The following DIABLO variants were observed in gnomAD, a reference collection of about 807,000 sequenced individuals.
The protein encoded by DIABLO is diablo homolog, mitochondrial.
In DIABLO, 32 loss-of-function variants were observed where a neutral mutation model predicts 31.7. The observed-to-expected ratio is 1.01, with a 90% CI of 0.76 to 1.35. DIABLO has a LOEUF of 1.35. DIABLO is among the 40% of genes most tolerant of loss of function. The pLI is 0.00. For synonymous variants in DIABLO, 132 were observed against 103.2 expected, an observed-to-expected ratio of 1.28 and a Z score of -1.69; for missense variants, 316 against 286.4, an observed-to-expected ratio of 1.10 and a Z score of -0.75.
chr12:122,217,709 A>G (rs1256063062), intron 3 of DIABLO: 3 of 156,604 alleles, frequency 1.9e-5, no homozygotes, highest in Admixed American at 6.2e-5. Flanking sequence ...TCTGCTAGAG[A>G]TGGGGCTTGC....
intron 2 of DIABLO, among the ~76,000 whole-genome samples, chr12:122,223,613 C>T (rs934256591): frequency 6.6e-6 from 1 of 152,122 alleles, no homozygotes; most frequent in Non-Finnish European, 1.5e-5. Context: ...TCAGACATAC[C>T]AGGCATACTT....
chr12:122,208,228 A>T lies in DIABLO; in HGVS notation c.*153T>A. 1 of 860,702 alleles carries T rather than the reference A, an allele frequency of 1.2e-6. No individual in the cohort carries two copies. Among genetic ancestry groups the T allele is most frequent in the Non-Finnish European group, 1.9e-6 (1 of 531,000 alleles). The allele number at this position is 860,702 out of a possible 1,614,324, so 53.3% of individuals were successfully genotyped here. A position where few individuals can be genotyped will look rare whatever the true frequency, so the allele number is the denominator to read the frequency against. ...GCGCAAGCCTGAGACCACAGGAGGC[A>T]CTCACAGCTCACAAAGGCGTCTCGC... is the stretch of plus-strand genomic sequence containing the variant. On this transcript the variant is annotated 3_prime_UTR_variant, in exon 6 of 6. Coordinates refer to ENST00000464942, the MANE Select transcript of DIABLO (RefSeq NM_001371333.1).
chr12:122,207,686 T>TC lies in DIABLO; in HGVS notation c.*694dup, dbSNP rs1053358023. 5 of 604,074 alleles carry TC rather than the reference T, an allele frequency of 8.3e-6. No homozygotes were observed. In the African/African-American group the frequency reaches 9.1e-5, roughly 11 times the overall value. 37.4% of individuals were successfully genotyped at this position (604,074 alleles called of 1,614,324 possible). ...ATAGGACCCCAGGAGAGACGCATTT[T>TC]CTCTTTCAGATGCAAACAAAATCTT... is the stretch of plus-strand genomic sequence containing the variant. On this transcript the variant is annotated 3_prime_UTR_variant, in exon 6 of 6. Transcript: ENST00000464942.
In DIABLO at chr12:122,208,286, C is replaced by G; in HGVS notation, c.*95G>C. 6.8e-7 allele frequency: 1 copy of G among 1,465,612 alleles called. No individual in the cohort carries two copies. Among genetic ancestry groups the G allele is most frequent in the Non-Finnish European group, 9.4e-7 (1 of 1,059,570 alleles). 90.8% of individuals were successfully genotyped at this position (1,465,612 alleles called of 1,614,324 possible). ...GCCAGGGCAGGATCTGCCGCCTCTTCTCGGTGCACAGACAGTCATGCCAAC... is the reference window on the plus strand; with the variant it reads ...GCCAGGGCAGGATCTGCCGCCTCTTGTCGGTGCACAGACAGTCATGCCAAC... On this transcript the variant is annotated 3_prime_UTR_variant, in exon 6 of 6. Coordinates refer to ENST00000464942, the MANE Select transcript of DIABLO (RefSeq NM_001371333.1).
At chr12:122,209,781 C>T (rs912205620) in intron 5 of DIABLO, 1 of 703,376 alleles carries the variant, frequency 1.4e-6, no homozygotes, top group African/African-American at 1.7e-5. Context: ...ACTGCATTAA[C>T]AAGAACCTTC....
At chr12:122,226,956 G>A (rs1566032147), upstream of DIABLO, among the ~76,000 whole-genome samples, 1 of 152,210 alleles carries the variant, frequency 6.6e-6, no homozygotes. Flanking sequence ...CCCCAGCTGC[G>A]GCCCTGGCTG....
chr12:122,224,994 C>G (rs1954421059), intron 1 of DIABLO: 1 of 453,788 alleles, frequency 2.2e-6, no homozygotes, highest in African/African-American at 2.1e-5. Flanking sequence ...GGGTGGATCA[C>G]TTGAGGTCAG....
intron 5 of DIABLO, among the ~76,000 whole-genome samples, chr12:122,212,037 T>C (rs1269245950): frequency 6.6e-6 from 1 of 151,534 alleles, no homozygotes; most frequent in African/African-American, 2.4e-5. Flanking sequence ...AGTTTTGCCA[T>C]GTTGGCCAGG....
At chr12:122,210,129 G>A (rs1401309547) in intron 5 of DIABLO, among the ~76,000 whole-genome samples, 5 of 152,028 alleles carry the variant, frequency 3.3e-5, no homozygotes, top group African/African-American at 7.2e-5. Context: ...TTGATTTACG[G>A]CTACATTTTG....
chr12:122,224,405 T>TG, intron 2 of DIABLO, 107 bp downstream of exon 2: 2 of 1,550,388 alleles, frequency 1.3e-6, no homozygotes, highest in Non-Finnish European at 1.8e-6. Context: ...GGGGAAGGGA[T>TG]GGGAGCACTG....
In DIABLO at chr12:122,208,110, G is replaced by C; in HGVS notation, c.*271C>G. 1.5e-6 allele frequency: 1 copy of C among 652,236 alleles called. No individual in the cohort carries two copies. The highest frequency in any genetic ancestry group is 2.8e-6 in the Non-Finnish European group (1 of 354,294). 40.4% of individuals were successfully genotyped at this position (652,236 alleles called of 1,614,324 possible). On this transcript the variant is annotated 3_prime_UTR_variant, in exon 6 of 6. Transcript: ENST00000464942. ...GACCCAGGTAGGCAAAATGCTTTGG[G>C]TGTGAGGTAAAAAAAATGGGTAAGA...
chr12:122,216,155 G>T (rs1205106295), intron 5 of DIABLO, among the ~76,000 whole-genome samples: 1 of 152,146 alleles, frequency 6.6e-6, no homozygotes, highest in Admixed American at 6.5e-5. Flanking sequence ...AGCCAACGGT[G>T]TAATTCTATG....
At chr12:122,223,163 G>A (rs1001526686) in intron 2 of DIABLO, among the ~76,000 whole-genome samples, 56 of 151,962 alleles carry the variant, frequency 3.7e-4, no homozygotes, top group African/African-American at 7.7e-4. Flanking sequence ...AGCCGGGCAC[G>A]GTGGCTCAGG....
chr12:122,208,879 AT>A (rs1593165775), intron 5 of DIABLO: 5 of 447,880 alleles, frequency 1.1e-5, no homozygotes, highest in Non-Finnish European at 1.7e-5. Context: ...CCTTTGATTA[AT>A]TTTTTTAACT....
intron 3 of DIABLO, chr12:122,217,724 TTGAC>T (rs1389625776): frequency 6.3e-6 from 1 of 157,934 alleles, no homozygotes; most frequent in East Asian, 1.9e-4. Context: ...GCTTGCTACA[TTGAC>T]TGGGTTGGTC....
intron 2 of DIABLO, among the ~76,000 whole-genome samples, chr12:122,223,059 T>C (rs1191645903): frequency 2.6e-5 from 4 of 151,958 alleles, no homozygotes; most frequent in Admixed American, 2.0e-4. Flanking sequence ...TGCCTAGATA[T>C]AGCAACTAGT....
At chr12:122,214,948 G>A (rs550772909) in intron 5 of DIABLO, among the ~76,000 whole-genome samples, 2 of 152,182 alleles carry the variant, frequency 1.3e-5, no homozygotes, top group African/African-American at 4.8e-5. Context: ...CAAGTGATCC[G>A]CCCTCCTTGG....
Position 122,208,289 on chromosome 12 carries a change from G to T in DIABLO, c.*92C>A. 4 of 1,474,464 alleles carry T rather than the reference G, an allele frequency of 2.7e-6. No homozygotes were observed. Among genetic ancestry groups the T allele is most frequent in the African/African-American group, 1.4e-5 (1 of 72,114 alleles). 91.3% of individuals were successfully genotyped at this position (1,474,464 alleles called of 1,614,324 possible). A position where few individuals can be genotyped will look rare whatever the true frequency, so the allele number is the denominator to read the frequency against. Reference sequence around the variant, plus strand: ...AGGGCAGGATCTGCCGCCTCTTCTCGGTGCACAGACAGTCATGCCAACCCT... The same window carrying T: ...AGGGCAGGATCTGCCGCCTCTTCTCTGTGCACAGACAGTCATGCCAACCCT... On this transcript the variant is annotated 3_prime_UTR_variant, in exon 6 of 6. Coordinates refer to ENST00000464942, the MANE Select transcript of DIABLO (RefSeq NM_001371333.1).
intron 5 of DIABLO, among the ~76,000 whole-genome samples, chr12:122,215,051 G>A (rs1954176355): frequency 6.6e-6 from 1 of 152,158 alleles, no homozygotes. Flanking sequence ...GAGCCGGCTG[G>A]GTGCGGTGGC....
Sources: gnomAD v4.1 joint callset for allele counts (sites outside exome capture counted in the v4.1 genomes callset) on GRCh38, gnomAD v4.1.1 for gene constraint, MANE v1.5 for transcripts, NCBI Gene and HGNC (gene_info 2026-07-23, HGNC 2026-07-21) for gene names.